Variants in COG5 observed in about 807,000 individuals in gnomAD.
COG5 encodes component of oligomeric golgi complex 5.
Under a neutral mutation model 110.4 loss-of-function variants are expected in COG5, and 86 were observed. That is an observed-to-expected ratio of 0.78 (90% confidence interval 0.65 to 0.93). COG5 has a LOEUF of 0.93. COG5 is among the 40% of genes least tolerant of loss of function. The pLI is 0.00. For missense variants in COG5, 1,077 were observed against 987.0 expected (o/e 1.09, Z -1.22); for synonymous variants, 360 against 334.6 (o/e 1.08, Z -0.83).
intron 12 of COG5, among the ~76,000 whole-genome samples, chr7:107,285,243 T>C (rs1211187109): frequency 6.6e-6 from 1 of 152,180 alleles, no homozygotes; most frequent in African/African-American, 2.4e-5. Flanking sequence ...GATGGAAGCA[T>C]GAAAGAACTT....
At chr7:107,244,161 A>G (rs1371458002) in intron 17 of COG5, among the ~76,000 whole-genome samples, 1 of 152,192 alleles carries the variant, frequency 6.6e-6, no homozygotes, top group East Asian at 1.9e-4. Context: ...CTGAGGCAGG[A>G]GAATCGCTTG....
intron 12 of COG5, among the ~76,000 whole-genome samples, chr7:107,291,808 C>CG (rs1409327992): frequency 1.3e-5 from 2 of 152,122 alleles, no homozygotes; most frequent in Admixed American, 6.5e-5. Context: ...TCTTATTCTC[C>CG]GGATCTCTCC....
intron 6 of COG5, among the ~76,000 whole-genome samples, chr7:107,501,875 T>C (rs1305280716): frequency 6.6e-6 from 1 of 152,062 alleles, no homozygotes; most frequent in African/African-American, 2.4e-5. Context: ...TAATCTGTCA[T>C]TACACTGTAG....
chr7:107,314,757 C>T (rs1269921001), intron 11 of COG5, among the ~76,000 whole-genome samples: 1 of 151,946 alleles, frequency 6.6e-6, no homozygotes, highest in African/African-American at 2.4e-5. Flanking sequence ...TCAAATAAAA[C>T]AAAACAAAAC....
intron 11 of COG5, among the ~76,000 whole-genome samples, chr7:107,299,853 A>ATATC (rs1554409310): frequency 7.9e-6 from 1 of 126,446 alleles, no homozygotes; most frequent in East Asian, 2.2e-4. Flanking sequence ...ATATATATAT[A>ATATC]TATATCTGGA....
chr7:107,328,653 A>T (rs1809980813), intron 10 of COG5, among the ~76,000 whole-genome samples: 1 of 152,188 alleles, frequency 6.6e-6, no homozygotes, highest in Admixed American at 6.6e-5. Context: ...TCCCTTATTT[A>T]AAAAAGTTAT....
chr7:107,347,970 C>A lies in COG5; in HGVS notation c.1026+14063G>T, dbSNP rs545945032. Among the ~76,000 whole-genome samples, 53 of 151,032 alleles carry A rather than the reference C, an allele frequency of 3.5e-4. 1 individual carries two copies. Among genetic ancestry groups the A allele is most frequent in the Admixed American group, 3.4e-3 (52 of 15,182 alleles). On this transcript the variant is annotated intron_variant, in intron 10 of 21. Coordinates refer to ENST00000297135, the MANE Select transcript of COG5 (RefSeq NM_006348.5). ...TGAAACCCCTGTCTCTACTAAAATACAAAAAAATAGCTAGGGGTGGTGGCA... is the reference window on the plus strand; with the variant it reads ...TGAAACCCCTGTCTCTACTAAAATAAAAAAAAATAGCTAGGGGTGGTGGCA...
intron 6 of COG5, among the ~76,000 whole-genome samples, chr7:107,524,289 C>G (rs115268921): frequency 0.015 from 2,257 of 152,296 alleles, 58 homozygotes; most frequent in African/African-American, 0.052. Context: ...AGTAGTCACT[C>G]CACATCCCAG....
intron 19 of COG5, 125 bp from the exon 20 acceptor site, chr7:107,211,350 G>T: frequency 1.9e-6 from 2 of 1,043,358 alleles, no homozygotes; most frequent in Non-Finnish European, 2.9e-6. Context: ...GCCCTCCACT[G>T]CTTAACCACT....
chr7:107,415,650 G>T (rs540990104), intron 6 of COG5, among the ~76,000 whole-genome samples: 2 of 150,994 alleles, frequency 1.3e-5, no homozygotes, highest in African/African-American at 4.9e-5. Context: ...GAGCACAAAC[G>T]CATTTATTAC....
chr7:107,293,667 A>G (rs1276700285), intron 12 of COG5, among the ~76,000 whole-genome samples: 2 of 152,106 alleles, frequency 1.3e-5, no homozygotes, highest in Non-Finnish European at 2.9e-5. Context: ...GTAGGCTGCC[A>G]TTCCACTGTC....
In COG5 at chr7:107,233,474, T is replaced by C. The variant is rs114756318; in HGVS notation, c.2092-2783A>G. Among the ~76,000 whole-genome samples the C allele has an allele frequency of 3.0e-3, 452 of 152,346 alleles. 3 individuals are homozygous for C. The highest frequency in any genetic ancestry group is 0.01 in the African/African-American group (427 of 41,566). On this transcript the variant is annotated intron_variant, in intron 18 of 21. Coordinates refer to ENST00000297135, the MANE Select transcript of COG5 (RefSeq NM_006348.5). ...GATGGCACCCTGCAACTACTTTCTCTTTCCTGCACTGGTGCCAGTGAGGAG... is the reference window on the plus strand; with the variant it reads ...GATGGCACCCTGCAACTACTTTCTCCTTCCTGCACTGGTGCCAGTGAGGAG...
chr7:107,230,585 T>C, intron 19 of COG5, 30 bp downstream of exon 19: 2 of 1,499,856 alleles, frequency 1.3e-6, no homozygotes, highest in Non-Finnish European at 1.9e-6. Flanking sequence ...CTGGAGGATA[T>C]GAATGTATGA....
rs184435922 is a variant in COG5, at chr7:107,510,808, G to A, written c.538+16429C>T. On this transcript the variant is annotated intron_variant, in intron 6 of 21. Transcript: ENST00000297135. ...CCAGAATGACTACTGGGTACATAACGAAATGAAGGCAGAAATAAAGATGTT... is the reference window on the plus strand; with the variant it reads ...CCAGAATGACTACTGGGTACATAACAAAATGAAGGCAGAAATAAAGATGTT... Among the ~76,000 whole-genome samples the A allele has an allele frequency of 4.3e-3, 660 of 152,246 alleles. 5 individuals carry two copies. The highest frequency in any genetic ancestry group is 0.015 in the African/African-American group (620 of 41,528).
intron 6 of COG5, among the ~76,000 whole-genome samples, chr7:107,480,572 T>TA (rs1477024103): frequency 6.6e-6 from 1 of 152,048 alleles, no homozygotes; most frequent in Non-Finnish European, 1.5e-5. Context: ...GCTAAGCTCT[T>TA]AGAGAAATAC....
chr7:107,533,575 G>T (rs185173945), intron 5 of COG5, among the ~76,000 whole-genome samples: 1 of 151,454 alleles, frequency 6.6e-6, no homozygotes, highest in African/African-American at 2.4e-5. Context: ...AGAGACTGAC[G>T]ATCAACTTAA....
At chr7:107,206,281 G>A (rs1428316466) in intron 21 of COG5, among the ~76,000 whole-genome samples, 4 of 152,104 alleles carry the variant, frequency 2.6e-5, no homozygotes, top group African/African-American at 9.7e-5. Flanking sequence ...TAACATGTAA[G>A]TTCATACCAT....
At chr7:107,520,120 A>C (rs1039875636) in intron 6 of COG5, among the ~76,000 whole-genome samples, 1 of 152,210 alleles carries the variant, frequency 6.6e-6, no homozygotes, top group African/African-American at 2.4e-5. Context: ...AACTCTCAAT[A>C]AACTAGGTAC....
intron 10 of COG5, among the ~76,000 whole-genome samples, chr7:107,353,699 T>TC (rs1169013669): frequency 3.3e-5 from 5 of 152,058 alleles, no homozygotes; most frequent in African/African-American, 1.2e-4. Flanking sequence ...AATAATAAAC[T>TC]AAAATGTCCC....
Sources: gnomAD v4.1 joint callset for allele counts (sites outside exome capture counted in the v4.1 genomes callset) on GRCh38, gnomAD v4.1.1 for gene constraint, MANE v1.5 for transcripts, NCBI Gene and HGNC (gene_info 2026-07-23, HGNC 2026-07-21) for gene names.